PLCB1: variants seen among roughly 807,000 people sequenced by gnomAD.
PLCB1 encodes the protein phospholipase C beta 1, also known as 1-phosphatidylinositol 4,5-bisphosphate phosphodiesterase beta-1.
In PLCB1, 46 loss-of-function variants were observed where a neutral mutation model predicts 161.8. The observed-to-expected ratio is 0.28, with a 90% CI of 0.22 to 0.36. The LOEUF (loss-of-function observed/expected upper bound fraction) is 0.36, where lower values mean the gene tolerates loss of function less well. Among genes scored for constraint, PLCB1 ranks in the 10% least tolerant of loss-of-function variants. The pLI is 1.00. For synonymous variants in PLCB1, 517 were observed against 503.7 expected (o/e 1.03, Z -0.35); for missense variants, 1,016 against 1,472.5 (o/e 0.69, Z 5.07).
intron 3 of PLCB1, among the ~76,000 whole-genome samples, chr20:8,551,042 T>C (rs1985758688): frequency 6.6e-6 from 1 of 152,216 alleles, no homozygotes; most frequent in South Asian, 2.1e-4. Context: ...TCTCACATCC[T>C]TTCCACTGAT....
At chr20:8,395,106 A>G (rs1163847373) in intron 3 of PLCB1, among the ~76,000 whole-genome samples, 1 of 152,090 alleles carries the variant, frequency 6.6e-6, no homozygotes, top group Non-Finnish European at 1.5e-5. Flanking sequence ...CTTGATTCTT[A>G]TAGTACCTTA....
At chr20:8,434,208 T>G (rs1190575820) in intron 3 of PLCB1, among the ~76,000 whole-genome samples, 1 of 152,200 alleles carries the variant, frequency 6.6e-6, no homozygotes. Context: ...CACTTCCTTC[T>G]GGAATTTAAA....
intron 3 of PLCB1, among the ~76,000 whole-genome samples, chr20:8,559,560 T>G (rs1239253175): frequency 6.6e-6 from 1 of 151,998 alleles, no homozygotes; most frequent in Non-Finnish European, 1.5e-5. Context: ...AAGTCTATGC[T>G]GTTTACAACA....
At chr20:8,398,177 A>G (rs1978376088) in intron 3 of PLCB1, among the ~76,000 whole-genome samples, 1 of 152,116 alleles carries the variant, frequency 6.6e-6, no homozygotes, top group African/African-American at 2.4e-5. Flanking sequence ...TATGCATGAA[A>G]CTAAGCCTCC....
chr20:8,529,585 G>A (rs917739418), intron 3 of PLCB1, among the ~76,000 whole-genome samples: 1 of 151,892 alleles, frequency 6.6e-6, no homozygotes, highest in Admixed American at 6.6e-5. Context: ...TGAGAACTGG[G>A]TAGTTGTGTT....
chr20:8,814,327 A>C (rs1373580935), intron 31 of PLCB1, among the ~76,000 whole-genome samples: 1 of 152,234 alleles, frequency 6.6e-6, no homozygotes, highest in Admixed American at 6.5e-5. Flanking sequence ...ATTGAAGCTA[A>C]TTTAGTTGAG....
intron 2 of PLCB1, among the ~76,000 whole-genome samples, chr20:8,206,974 A>ATTT (rs762096044): frequency 1.4e-5 from 2 of 143,822 alleles, no homozygotes; most frequent in African/African-American, 2.6e-5. Flanking sequence ...TTAGGGAAAA[A>ATTT]TACAAGGAGA....
At chr20:8,811,977 A>C (rs1459106886) in intron 31 of PLCB1, among the ~76,000 whole-genome samples, 1 of 152,254 alleles carries the variant, frequency 6.6e-6, no homozygotes, top group Non-Finnish European at 1.5e-5. Flanking sequence ...AGAGGAAAGA[A>C]TGGGACTCAC....
chr20:8,547,542 C>T (rs753330774), intron 3 of PLCB1, among the ~76,000 whole-genome samples: 2 of 142,910 alleles, frequency 1.4e-5, no homozygotes, highest in Non-Finnish European at 3.2e-5. Context: ...TTCCTCATTG[C>T]CCATATCTAA....
Position 8,717,919 on chromosome 20 carries a change from G to C in PLCB1, c.1513+71G>C. 6 of 1,346,896 alleles carry C rather than the reference G, an allele frequency of 4.5e-6. No homozygotes were observed. In the South Asian group the frequency reaches 7.8e-5, roughly 18 times the overall value. The allele number at this position is 1,346,896 out of a possible 1,614,324, so 83.4% of individuals were successfully genotyped here. On this transcript the variant is annotated intron_variant, in intron 14 of 31. Coordinates refer to ENST00000338037, the MANE Select transcript of PLCB1 (RefSeq NM_015192.4). ...AGAATTGCTGCTCTGGGCTGTGCGT[G>C]GTGGCTCATGCCTGTAATACTACTA...
chr20:8,803,637 A>G (rs919463011), intron 31 of PLCB1, among the ~76,000 whole-genome samples: 4 of 152,174 alleles, frequency 2.6e-5, no homozygotes, highest in Non-Finnish European at 5.9e-5. Flanking sequence ...GGCTTCTACA[A>G]GAAGGCATCA....
chr20:8,580,806 GGGA>G (rs1198556622), intron 3 of PLCB1, among the ~76,000 whole-genome samples: 3 of 152,220 alleles, frequency 2.0e-5, no homozygotes, highest in African/African-American at 7.2e-5. Context: ...GAAAGCTTCA[GGGA>G]GGAGATCATC....
chr20:8,656,007 A>G (rs1989447844), intron 7 of PLCB1, among the ~76,000 whole-genome samples: 1 of 152,032 alleles, frequency 6.6e-6, no homozygotes, highest in South Asian at 2.1e-4. Context: ...TTCCCTTTTT[A>G]TGAATGGCAA....
chr20:8,495,278 A>G (rs1173347479), intron 3 of PLCB1, among the ~76,000 whole-genome samples: 1 of 152,086 alleles, frequency 6.6e-6, no homozygotes, highest in Non-Finnish European at 1.5e-5. Flanking sequence ...TTAAGGCAAG[A>G]TCACATAGCC....
chr20:8,723,308 G>A (rs1979749293), intron 15 of PLCB1, among the ~76,000 whole-genome samples: 1 of 152,124 alleles, frequency 6.6e-6, no homozygotes, highest in Non-Finnish European at 1.5e-5. Flanking sequence ...TTTCTGATCA[G>A]TGATTCTAAA....
intron 20 of PLCB1, among the ~76,000 whole-genome samples, chr20:8,738,732 G>A (rs1024123233): frequency 3.9e-5 from 6 of 152,182 alleles, no homozygotes; most frequent in African/African-American, 1.2e-4. Context: ...AAGGCAAGGT[G>A]ATAAAACATA....
rs74334299 is a variant in PLCB1, at chr20:8,172,261, A to T, written c.177+21890A>T. Among the ~76,000 whole-genome samples the T allele has an allele frequency of 5.6e-3, 848 of 152,244 alleles. 8 individuals carry two copies. The highest frequency in any genetic ancestry group is 0.019 in the African/African-American group (801 of 41,538). Reference sequence around the variant, plus strand: ...AGTGATGAGAAGAGTTCAGGGAGGGAGTAGTGGTAACTGTTTTACATAGGT... The same window carrying T: ...AGTGATGAGAAGAGTTCAGGGAGGGTGTAGTGGTAACTGTTTTACATAGGT... On this transcript the variant is annotated intron_variant, in intron 2 of 31. Transcript: ENST00000338037.
At chr20:8,675,383 A>G (rs1287606582) in intron 9 of PLCB1, among the ~76,000 whole-genome samples, 1 of 152,140 alleles carries the variant, frequency 6.6e-6, no homozygotes, top group African/African-American at 2.4e-5. Context: ...AGCAAGGAGA[A>G]CCTGACAGAT....
intron 2 of PLCB1, among the ~76,000 whole-genome samples, chr20:8,325,785 G>A (rs1985128912): frequency 6.6e-6 from 1 of 152,122 alleles, no homozygotes; most frequent in African/African-American, 2.4e-5. Context: ...GGGAATGGGG[G>A]TGGGCAAGCC....
Sources: allele counts gnomAD v4.1 joint callset (sites outside exome capture counted in the v4.1 genomes callset), GRCh38; gene constraint gnomAD v4.1.1; transcripts MANE v1.5; gene names NCBI Gene and HGNC (gene_info 2026-07-23, HGNC 2026-07-21).